Variants in ROR1 observed in about 807,000 individuals in gnomAD.
ROR1 encodes ROR family WNT receptor 1, also known as inactive tyrosine-protein kinase transmembrane receptor ROR1.
A neutral mutation model predicts 78.8 loss-of-function variants in ROR1; 19 were observed. That is an observed-to-expected ratio of 0.24 (90% confidence interval 0.17 to 0.35). The LOEUF is 0.35. Among genes scored for constraint, ROR1 ranks in the 10% least tolerant of loss-of-function variants. ROR1 has a pLI of 1.00. For synonymous variants in ROR1, 386 were observed against 433.6 expected (o/e 0.89, Z 1.36); for missense variants, 917 against 1,177.8 (o/e 0.78, Z 3.24).
At chr1:64,123,325 C>T (rs1258810619) in intron 4 of ROR1, among the ~76,000 whole-genome samples, 11 of 152,248 alleles carry the variant, frequency 7.2e-5, no homozygotes, top group South Asian at 2.1e-4. Context: ...TGTAAGTTCC[C>T]GGGGTTTTAT....
intron 1 of ROR1, among the ~76,000 whole-genome samples, chr1:63,815,796 A>G (rs1223422288): frequency 6.6e-6 from 1 of 152,088 alleles, no homozygotes; most frequent in Non-Finnish European, 1.5e-5. Context: ...GGGAACCGCC[A>G]TGAATTACAC....
chr1:64,000,562 T>C (rs1376136213), intron 1 of ROR1, among the ~76,000 whole-genome samples: 1 of 152,184 alleles, frequency 6.6e-6, no homozygotes, highest in African/African-American at 2.4e-5. Context: ...AGATCCTGCC[T>C]CCTTAGTAAC....
intron 1 of ROR1, among the ~76,000 whole-genome samples, chr1:63,838,103 A>G (rs1645029166): frequency 6.6e-6 from 1 of 152,156 alleles, no homozygotes; most frequent in Admixed American, 6.5e-5. Context: ...CTCCAGTTAT[A>G]TGCAGTATAC....
chr1:63,781,017 T>C (rs1274701081), intron 1 of ROR1, among the ~76,000 whole-genome samples: 1 of 152,090 alleles, frequency 6.6e-6, no homozygotes, highest in Non-Finnish European at 1.5e-5. Flanking sequence ...GAAAAAAAGT[T>C]CATGTTACCC....
At chr1:64,114,073 T>C (rs146710802) in intron 4 of ROR1, among the ~76,000 whole-genome samples, 8 of 152,228 alleles carry the variant, frequency 5.3e-5, no homozygotes, top group African/African-American at 1.9e-4. Context: ...TGCCTTTAAC[T>C]CCTTCTATAT....
rs777518583 is a variant in ROR1, at chr1:64,178,250, C to T, written c.2209C>T (p.Pro737Ser). 2 of 1,613,952 alleles carry T rather than the reference C, an allele frequency of 1.2e-6. No individual in the cohort carries two copies. Among genetic ancestry groups the T allele is most frequent in the Admixed American group, 3.3e-5 (2 of 59,992 alleles). ...ECWNEIPSRR[P>S]RFKDIHVRLR... Reference sequence around the variant, plus strand: ...CTGGAATGAGATTCCTTCTAGGAGACCAAGATTTAAAGATATTCACGTCCG... The same window carrying T: ...CTGGAATGAGATTCCTTCTAGGAGATCAAGATTTAAAGATATTCACGTCCG... The change falls in exon 9 of 9, where the codon CCA becomes TCA. Residue 737 changes from proline to serine, a missense_variant. Around this residue, in one of 3 missense-constraint regions of ROR1, gnomAD observed 835 missense variants for 1,069.8 expected, o/e 0.78. Transcript: ENST00000371079. This position sits in a 1 kb window ranked among gnomAD's most constrained non-coding sequence, Gnocchi z 4.3.
intron 1 of ROR1, among the ~76,000 whole-genome samples, chr1:63,928,783 A>G (rs1645728189): frequency 6.6e-6 from 1 of 152,232 alleles, no homozygotes; most frequent in Admixed American, 6.5e-5. Flanking sequence ...ATGGGTTAAT[A>G]CAAATAAAGC....
At chr1:64,156,723 AAAAGC>A (rs948854804) in intron 7 of ROR1, among the ~76,000 whole-genome samples, 1 of 151,866 alleles carries the variant, frequency 6.6e-6, no homozygotes, top group Admixed American at 6.6e-5. Context: ...AAAAAAAAAA[AAAAGC>A]AGGGATTTCA....
At chr1:63,860,233 T>G (rs1645171475) in intron 1 of ROR1, among the ~76,000 whole-genome samples, 4 of 152,224 alleles carry the variant, frequency 2.6e-5, no homozygotes. Flanking sequence ...TTGTAGCTGT[T>G]CAATAAAACT....
chr1:64,174,759 G>A (rs977439629), intron 8 of ROR1, among the ~76,000 whole-genome samples: 3 of 152,114 alleles, frequency 2.0e-5, no homozygotes, highest in African/African-American at 4.8e-5. Flanking sequence ...TTAATGTCAT[G>A]CAGGAAAAAT....
chr1:63,942,888 G>A (rs192117988), intron 1 of ROR1, among the ~76,000 whole-genome samples: 32 of 152,140 alleles, frequency 2.1e-4, no homozygotes, highest in African/African-American at 4.6e-4. Context: ...CCAGGAGTTC[G>A]AGAGCAGCCT....
intron 4 of ROR1, among the ~76,000 whole-genome samples, chr1:64,120,670 G>A (rs1045928045): frequency 2.4e-4 from 37 of 152,070 alleles, no homozygotes; most frequent in Non-Finnish European, 5.0e-4. Flanking sequence ...TGGCACTGCA[G>A]CCTCCTTGAC....
At chr1:64,021,894 T>C (rs1646567981) in intron 2 of ROR1, among the ~76,000 whole-genome samples, 1 of 152,208 alleles carries the variant, frequency 6.6e-6, no homozygotes, top group African/African-American at 2.4e-5. Context: ...AAAACTCATA[T>C]ATACCCCCAA....
At chr1:64,152,235 T>G (rs1389845682) in intron 7 of ROR1, among the ~76,000 whole-genome samples, 1 of 152,230 alleles carries the variant, frequency 6.6e-6, no homozygotes, top group Non-Finnish European at 1.5e-5. Context: ...AAGACATATG[T>G]CACATCCTTC....
intron 1 of ROR1, among the ~76,000 whole-genome samples, chr1:63,846,112 G>C (rs60127522): frequency 0.032 from 4,572 of 144,792 alleles, 168 homozygotes; most frequent in South Asian, 0.11. Flanking sequence ...GACAGAGAGA[G>C]AGAGAATGTG....
intron 1 of ROR1, among the ~76,000 whole-genome samples, chr1:63,920,660 C>G (rs1032507702): frequency 3.3e-5 from 5 of 152,196 alleles, no homozygotes; most frequent in African/African-American, 4.8e-5. Flanking sequence ...AGTTTACATA[C>G]CAACACTGAT....
In ROR1 at chr1:64,142,504, A is replaced by C. The variant is rs1649349442; in HGVS notation, c.1028A>C (p.His343Pro). Residue 343 changes from histidine to proline, a missense_variant, in exon 7 of 9, where the codon CAC becomes CCC. Around this residue, in one of 3 missense-constraint regions of ROR1, gnomAD observed 835 missense variants for 1,069.8 expected, o/e 0.78. Coordinates refer to ENST00000371079, the MANE Select transcript of ROR1 (RefSeq NM_005012.4). Reference protein sequence around the residue: ...QCQPWNSQYPHTHTFTALRFP... With the variant: ...QCQPWNSQYPPTHTFTALRFP... ...CAGCCATGGAATTCCCAGTATCCCC[A>C]CACACACACTTTCACCGCCCTTCGT... The C allele has an allele frequency of 3.7e-6, 6 of 1,613,858 alleles. No individual in the cohort carries two copies. The highest frequency in any genetic ancestry group is 2.7e-5 in the African/African-American group (2 of 74,900).
chr1:63,784,236 G>T (rs1268617663), intron 1 of ROR1, among the ~76,000 whole-genome samples: 1 of 151,950 alleles, frequency 6.6e-6, no homozygotes, highest in Non-Finnish European at 1.5e-5. Context: ...TTAAAAGTAG[G>T]CAGGTGAGTT....
chr1:63,775,046 C>CCCGGCCCT (rs900551721), intron 1 of ROR1, among the ~76,000 whole-genome samples: 2 of 152,116 alleles, frequency 1.3e-5, no homozygotes, highest in African/African-American at 4.8e-5. Flanking sequence ...CGCCACCGCC[C>CCCGGCCCT]CCGGCCCTCC....
Sources: allele counts gnomAD v4.1 joint callset (sites outside exome capture counted in the v4.1 genomes callset), GRCh38; gene constraint gnomAD v4.1.1; regional missense constraint gnomAD v4.1.1; non-coding constraint Gnocchi (gnomAD v3.1); transcripts MANE v1.5; gene names NCBI Gene and HGNC (gene_info 2026-07-23, HGNC 2026-07-21).